Variants in CRACD observed in about 807,000 individuals in gnomAD.
CRACD encodes capping protein-inhibiting regulator of actin dynamics.
A neutral mutation model predicts 106.8 loss-of-function variants in CRACD; 56 were observed. The ratio of observed to expected loss-of-function variants is 0.52; its 90% CI spans 0.42 to 0.66. The LOEUF (loss-of-function observed/expected upper bound fraction) is 0.66, where lower values mean the gene tolerates loss of function less well. CRACD is among the 30% of genes least tolerant of loss of function. CRACD has a pLI of 0.00. For synonymous variants in CRACD, 754 were observed against 670.8 expected, an observed-to-expected ratio of 1.12 and a Z score of -1.92; for missense variants, 1,730 against 1,623.2, an observed-to-expected ratio of 1.07 and a Z score of -1.13.
chr4:56,260,618 TTAAG>T (rs769541579), intron 2 of CRACD, among the ~76,000 whole-genome samples: 11 of 152,186 alleles, frequency 7.2e-5, no homozygotes, highest in Non-Finnish European at 1.3e-4. Context: ...TCAGTTGACT[TTAAG>T]TAAGGGAGAT....
chr4:56,248,431 T>A (rs1297687312), intron 2 of CRACD, among the ~76,000 whole-genome samples: 4 of 152,112 alleles, frequency 2.6e-5, no homozygotes, highest in Non-Finnish European at 5.9e-5. Flanking sequence ...TTTGCTCCCA[T>A]CATAATTAGG....
At chr4:56,204,329 A>G (rs1485402929) in intron 2 of CRACD, among the ~76,000 whole-genome samples, 1 of 152,208 alleles carries the variant, frequency 6.6e-6, no homozygotes, top group Non-Finnish European at 1.5e-5. Context: ...ACAGACTTTA[A>G]CTCGAAAAGA....
intron 2 of CRACD, among the ~76,000 whole-genome samples, chr4:56,250,181 T>G (rs893251400): frequency 6.6e-6 from 1 of 152,180 alleles, no homozygotes; most frequent in African/African-American, 2.4e-5. Flanking sequence ...TTCCCTTCTT[T>G]TCTTGTTCCT....
At chr4:56,205,296 A>G (rs1017047881) in intron 2 of CRACD, among the ~76,000 whole-genome samples, 12 of 152,078 alleles carry the variant, frequency 7.9e-5, no homozygotes, top group Admixed American at 2.0e-4. Flanking sequence ...AAAACCCTGT[A>G]TATGTTCCTA....
intron 1 of CRACD, among the ~76,000 whole-genome samples, chr4:56,121,421 T>C (rs1202769754): frequency 6.6e-6 from 1 of 152,130 alleles, no homozygotes; most frequent in Non-Finnish European, 1.5e-5. Context: ...TTGGATATGC[T>C]GTTTACGAGG....
chr4:56,174,698 G>T (rs1167050824), intron 1 of CRACD, among the ~76,000 whole-genome samples: 1 of 152,176 alleles, frequency 6.6e-6, no homozygotes, highest in African/African-American at 2.4e-5. Context: ...GGACACTTAG[G>T]TTAATGCTGT....
chr4:56,106,748 C>T (rs573266686), intron 1 of CRACD, among the ~76,000 whole-genome samples: 2 of 152,222 alleles, frequency 1.3e-5, no homozygotes, highest in South Asian at 2.1e-4. Flanking sequence ...TGTACAAGAA[C>T]GTGAGGCTAT....
intron 1 of CRACD, among the ~76,000 whole-genome samples, chr4:56,090,437 G>A (rs1010278104): frequency 1.1e-4 from 17 of 152,010 alleles, no homozygotes; most frequent in Middle Eastern, 3.4e-3. Flanking sequence ...TCATTCTGTC[G>A]CCCAGGCTGG....
intron 1 of CRACD, among the ~76,000 whole-genome samples, chr4:56,081,072 G>A (rs749857326): frequency 9.9e-5 from 15 of 152,148 alleles, no homozygotes; most frequent in Non-Finnish European, 2.1e-4. Context: ...TGCTCAGGCT[G>A]GTCTTGAACT....
At chr4:56,311,091 T>C (rs1422357145) in intron 6 of CRACD, 3 of 185,802 alleles carry the variant, frequency 1.6e-5, no homozygotes, top group Non-Finnish European at 2.2e-5. Context: ...AGTCCTCTTA[T>C]ATTTAGAGAG....
chr4:56,081,412 G>A (rs1733022918), intron 1 of CRACD, among the ~76,000 whole-genome samples: 1 of 152,068 alleles, frequency 6.6e-6, no homozygotes, highest in Admixed American at 6.5e-5. Flanking sequence ...TTCAACTCTA[G>A]GAGGTACGTA....
intron 2 of CRACD, among the ~76,000 whole-genome samples, chr4:56,191,006 A>G (rs1370573016): frequency 1.3e-5 from 2 of 152,118 alleles, no homozygotes; most frequent in Non-Finnish European, 2.9e-5. Context: ...TCAAGATGAG[A>G]TTTTCATGGG....
chr4:56,156,337 C>T (rs1735763177), intron 1 of CRACD, among the ~76,000 whole-genome samples: 1 of 152,194 alleles, frequency 6.6e-6, no homozygotes, highest in Admixed American at 6.5e-5. Context: ...AGAGGCTTTG[C>T]TGGGCGCCTC....
chr4:56,049,379 G>A (rs991612370), intron 1 of CRACD, 80 bp downstream of exon 1: 2 of 151,930 alleles, frequency 1.3e-5, no homozygotes, highest in Non-Finnish European at 2.9e-5. Context: ...GCGCCCCTCC[G>A]GGCCGGGCCC....
At chr4:56,120,778 A>G (rs1428001099) in intron 1 of CRACD, among the ~76,000 whole-genome samples, 2 of 152,276 alleles carry the variant, frequency 1.3e-5, no homozygotes, top group African/African-American at 2.4e-5. Flanking sequence ...ATTCAATCAC[A>G]TTAATGCCAA....
At position 56,327,921 on chromosome 4, in the gene CRACD, A is replaced by G. The variant is rs1746565822; in HGVS notation, c.*117A>G. Reference sequence around the variant, plus strand: ...GCTAGGGAAAAGAAGCATGTTTTATAGGCTCCAAAATAATGTTTAGAAACT... The same window carrying G: ...GCTAGGGAAAAGAAGCATGTTTTATGGGCTCCAAAATAATGTTTAGAAACT... On this transcript the variant is annotated 3_prime_UTR_variant, in exon 11 of 11. Coordinates refer to ENST00000682029, the MANE Select transcript of CRACD (RefSeq NM_001393381.1). 1.1e-6 allele frequency: 1 copy of G among 897,760 alleles called. No homozygotes were observed. 55.6% of individuals were successfully genotyped at this position (897,760 alleles called of 1,614,324 possible). A position where few individuals can be genotyped will look rare whatever the true frequency, so the allele number is the denominator to read the frequency against.
chr4:56,324,091 T>A lies in CRACD; in HGVS notation c.3379-13T>A. Reference sequence around the variant, plus strand: ...TGAAAACATGTTTCCCATGACTGTCTCTGCCCACGCAGGTCAGTGTCAGCG... The same window carrying A: ...TGAAAACATGTTTCCCATGACTGTCACTGCCCACGCAGGTCAGTGTCAGCG... On this transcript the variant is annotated splice_polypyrimidine_tract_variant and intron_variant, in intron 9 of 10. Coordinates refer to ENST00000682029, the MANE Select transcript of CRACD (RefSeq NM_001393381.1). The A allele has an allele frequency of 6.3e-7, 1 of 1,597,716 alleles. No homozygotes were observed. Among genetic ancestry groups the A allele is most frequent in the Non-Finnish European group, 8.5e-7 (1 of 1,170,858 alleles).
chr4:56,273,361 C>G (rs1289210631), intron 3 of CRACD, among the ~76,000 whole-genome samples: 2 of 150,374 alleles, frequency 1.3e-5, no homozygotes, highest in Non-Finnish European at 3.0e-5. Context: ...CCCTCCCTCC[C>G]TCGTTTCTTC....
At chr4:56,272,122 G>A (rs780356973) in intron 2 of CRACD, among the ~76,000 whole-genome samples, 199 bp from the exon 3 acceptor site, 12 of 152,206 alleles carry the variant, frequency 7.9e-5, no homozygotes, top group Non-Finnish European at 1.2e-4. Context: ...CCTTTGGCTC[G>A]TGCTCTGCCT....
Sources: gnomAD v4.1 joint callset for allele counts (sites outside exome capture counted in the v4.1 genomes callset) on GRCh38, gnomAD v4.1.1 for gene constraint, MANE v1.5 for transcripts, NCBI Gene and HGNC (gene_info 2026-07-23, HGNC 2026-07-21) for gene names.